The following DPF2 variants were observed in gnomAD, a reference collection of about 807,000 sequenced individuals.
The protein encoded by DPF2 is zinc finger protein ubi-d4.
In DPF2, 10 loss-of-function variants were observed where a neutral mutation model predicts 59.6. The observed-to-expected ratio is 0.17, with a 90% CI of 0.10 to 0.28. The LOEUF (loss-of-function observed/expected upper bound fraction) is 0.28. Ranked by LOEUF, DPF2 falls within the 10% of genes least tolerant of loss-of-function variation. The probability of loss-of-function intolerance (pLI) is 1.00; values close to 1 mark genes in which losing one functional copy is unlikely to be tolerated. For synonymous variants in DPF2, 189 were observed against 190.6 expected (o/e 0.99, Z 0.07); for missense variants, 315 against 509.4 (o/e 0.62, Z 3.67).
chr11:65,346,390 C>T, intron 9 of DPF2, 31 bp downstream of exon 9: 1 of 1,590,332 alleles, frequency 6.3e-7, no homozygotes, highest in Non-Finnish European at 8.6e-7. Flanking sequence ...CTCAGCATGG[C>T]TCCTTCTGGG....
intron 1 of DPF2, among the ~76,000 whole-genome samples, chr11:65,339,593 T>C (rs1161671701): frequency 1.3e-5 from 2 of 152,182 alleles, no homozygotes; most frequent in Non-Finnish European, 2.9e-5. Flanking sequence ...GTAGACATCT[T>C]CCATAAATGT....
intron 1 of DPF2, among the ~76,000 whole-genome samples, chr11:65,339,021 C>G (rs1854289211): frequency 6.6e-6 from 1 of 152,172 alleles, no homozygotes; most frequent in Non-Finnish European, 1.5e-5. Context: ...CAAGCCAGGT[C>G]TTTTTACTCT....
At chr11:65,339,297 A>G (rs4647573) in intron 1 of DPF2, among the ~76,000 whole-genome samples, 128 of 152,046 alleles carry the variant, frequency 8.4e-4, no homozygotes, top group Non-Finnish European at 1.7e-3. Flanking sequence ...GTTAACCTCC[A>G]TTACCAAAGT....
At chr11:65,336,243 A>C (rs1950093578) in intron 1 of DPF2, among the ~76,000 whole-genome samples, 1 of 151,990 alleles carries the variant, frequency 6.6e-6, no homozygotes, top group African/African-American at 2.4e-5. Context: ...TATAATCCCA[A>C]CACTTTGGGA....
chr11:65,341,582 G>A lies in DPF2; in HGVS notation c.465+20G>A, dbSNP rs749070374. ...CGAAAGGTACAGGATTATCCCTGTG[G>A]CTAAGGGAGCTTTGATGGAAATCAG... On this transcript the variant is annotated intron_variant, in intron 4 of 10. Coordinates refer to ENST00000528416, the MANE Select transcript of DPF2 (RefSeq NM_006268.5). 15 of 1,610,240 alleles carry A rather than the reference G, an allele frequency of 9.3e-6. No homozygotes were observed. Among genetic ancestry groups the A allele is most frequent in the Non-Finnish European group, 1.3e-5 (15 of 1,176,840 alleles).
At chr11:65,344,104 C>A (rs1272340739) in intron 6 of DPF2, 35 bp downstream of exon 6, 1 of 1,604,006 alleles carries the variant, frequency 6.2e-7, no homozygotes, top group Non-Finnish European at 8.5e-7. Flanking sequence ...TAGACCTTGC[C>A]TTGGACCCAG....
chr11:65,334,371 C>T (rs551669234), intron 1 of DPF2, among the ~76,000 whole-genome samples: 2 of 152,126 alleles, frequency 1.3e-5, no homozygotes, highest in South Asian at 2.1e-4. Context: ...GAGTGCACTG[C>T]GGGGCTGGCT....
intron 1 of DPF2, among the ~76,000 whole-genome samples, chr11:65,336,580 A>G (rs1168634134): frequency 1.3e-5 from 2 of 151,690 alleles, no homozygotes; most frequent in Non-Finnish European, 2.9e-5. Context: ...TCACAAGGTC[A>G]GGAGATTGAG....
intron 2 of DPF2, 71 bp from the exon 3 acceptor site, chr11:65,340,895 A>T: frequency 1.4e-6 from 2 of 1,462,978 alleles, no homozygotes; most frequent in East Asian, 2.4e-5. Flanking sequence ...GGCCTACTTA[A>T]TTAGAAAGTG....
At chr11:65,337,474 AATATAT>A (rs1196397460) in intron 1 of DPF2, among the ~76,000 whole-genome samples, 465 of 46,370 alleles carry the variant, frequency 0.01, 10 homozygotes, top group East Asian at 0.021. Flanking sequence ...AAAAAAAAAA[AATATAT>A]ATATATATAT....
intron 10 of DPF2, among the ~76,000 whole-genome samples, chr11:65,350,374 C>CTTTTTTTTTTTTTTT (rs529951680): frequency 1.6e-5 from 2 of 128,778 alleles, no homozygotes; most frequent in Admixed American, 7.9e-5. Context: ...TTCTTTCTTT[C>CTTTTTTTTTTTTTTT]TTTTTTTTTT....
At chr11:65,344,976 T>C in intron 6 of DPF2, 1 of 317,590 alleles carries the variant, frequency 3.1e-6, no homozygotes, top group South Asian at 7.7e-5. Flanking sequence ...CCTGCCATCC[T>C]CTCTCCCCAC....
intron 3 of DPF2, among the ~76,000 whole-genome samples, 155 bp downstream of exon 3, chr11:65,341,228 A>G (rs1372690875): frequency 6.6e-6 from 1 of 152,188 alleles, no homozygotes; most frequent in East Asian, 1.9e-4. Flanking sequence ...AGAAGGGGAG[A>G]CAGGTAAACA....
At chr11:65,343,538 C>T (rs1173370212) in intron 4 of DPF2, 5 of 574,372 alleles carry the variant, frequency 8.7e-6, no homozygotes, top group South Asian at 4.5e-5. Context: ...AAGGAAATAA[C>T]GTGAAGCACA....
At chr11:65,338,939 T>A (rs1233239094) in intron 1 of DPF2, among the ~76,000 whole-genome samples, 2 of 152,142 alleles carry the variant, frequency 1.3e-5, no homozygotes, top group South Asian at 2.1e-4. Context: ...TGGTCCAACC[T>A]CCTCAATCTA....
chr11:65,341,133 C>T, intron 3 of DPF2, 60 bp downstream of exon 3: 2 of 1,543,876 alleles, frequency 1.3e-6, no homozygotes, highest in Non-Finnish European at 1.8e-6. Context: ...GCCTGCTAAT[C>T]ACTGTGATAT....
At position 65,343,769 on chromosome 11, in the gene DPF2, C is replaced by G; in HGVS notation, c.490C>G (p.Leu164Val). The G allele has an allele frequency of 6.3e-7, 1 of 1,598,330 alleles. No homozygotes were observed. Among genetic ancestry groups the G allele is most frequent in the Non-Finnish European group, 8.5e-7 (1 of 1,172,816 alleles). The change falls in exon 5 of 11, where the codon CTG becomes GTG. Residue 164 changes from leucine to valine, a missense_variant. Physicochemically the swap from Leu to Val is conservative, Grantham distance 32. Coordinates refer to ENST00000528416, the MANE Select transcript of DPF2 (RefSeq NM_006268.5). ...RKRILEPDDF[L>V]DDLDDEDYEE... ...GCGGATCCTAGAACCAGATGACTTCCTGGATGACCTCGATGATGAAGACTA... is the reference window on the plus strand; with the variant it reads ...GCGGATCCTAGAACCAGATGACTTCGTGGATGACCTCGATGATGAAGACTA...
chr11:65,349,014 C>G, intron 10 of DPF2, 83 bp downstream of exon 10: 1 of 1,492,262 alleles, frequency 6.7e-7, no homozygotes, highest in East Asian at 2.3e-5. Context: ...TTTATGTTAT[C>G]ACTTACATAT....
intron 6 of DPF2, chr11:65,344,433 C>T: frequency 1.4e-6 from 1 of 718,236 alleles, no homozygotes; most frequent in Non-Finnish European, 2.3e-6. Flanking sequence ...TTCTTTCTGT[C>T]TGCCTTGCCC....
Sources: allele counts gnomAD v4.1 joint callset (sites outside exome capture counted in the v4.1 genomes callset), GRCh38; gene constraint gnomAD v4.1.1; transcripts MANE v1.5; gene names NCBI Gene and HGNC (gene_info 2026-07-23, HGNC 2026-07-21).